OSBPL10: variants seen among roughly 807,000 people sequenced by gnomAD.
OSBPL10 encodes the protein oxysterol-binding protein-related protein 10.
In OSBPL10, 49 loss-of-function variants were observed where a neutral mutation model predicts 81.7. The ratio of observed to expected loss-of-function variants is 0.60; its 90% CI spans 0.48 to 0.76. The LOEUF is 0.76. Ranked by LOEUF, OSBPL10 falls within the 30% of genes least tolerant of loss-of-function variation. The probability of loss-of-function intolerance (pLI) is 0.00; values close to 1 mark genes in which losing one functional copy is unlikely to be tolerated. For missense variants in OSBPL10, 923 were observed against 987.8 expected (o/e 0.93, Z 0.88); for synonymous variants, 419 against 383.6 (o/e 1.09, Z -1.08).
At chr3:31,913,634 T>TA (rs776788659) in intron 1 of OSBPL10, among the ~76,000 whole-genome samples, 7 of 152,230 alleles carry the variant, frequency 4.6e-5, no homozygotes, top group Non-Finnish European at 1.0e-4. Flanking sequence ...CAGGCTACCT[T>TA]AGACTACTGT....
intron 2 of OSBPL10, among the ~76,000 whole-genome samples, chr3:32,037,097 G>A (rs1699527081): frequency 6.6e-6 from 1 of 152,162 alleles, no homozygotes; most frequent in Non-Finnish European, 1.5e-5. Flanking sequence ...GGCATCTTGG[G>A]AGATGAGTAT....
At position 31,713,089 on chromosome 3, in the gene OSBPL10, G is replaced by C. The variant is rs376396065; in HGVS notation, c.1096-10581C>G. On this transcript the variant is annotated intron_variant, in intron 6 of 11. Coordinates refer to ENST00000396556, the MANE Select transcript of OSBPL10 (RefSeq NM_017784.5). Reference sequence around the variant, plus strand: ...TCAGTCTCCTCACAGTAGCTAGAAGGCATCTTAAATCATAAAGTTCATCAC... The same window carrying C: ...TCAGTCTCCTCACAGTAGCTAGAAGCCATCTTAAATCATAAAGTTCATCAC... Among the ~76,000 whole-genome samples the C allele has an allele frequency of 3.3e-5, 5 of 152,196 alleles. No individual in the cohort carries two copies. In the East Asian group the frequency reaches 5.8e-4, roughly 18 times the overall value.
chr3:31,792,823 TGG>T (rs1205913667), intron 4 of OSBPL10, among the ~76,000 whole-genome samples: 2 of 144,320 alleles, frequency 1.4e-5, no homozygotes, highest in Non-Finnish European at 3.0e-5. Flanking sequence ...AGTTGGTGTG[TGG>T]GGGTGCGTTT....
intron 1 of OSBPL10, among the ~76,000 whole-genome samples, chr3:31,885,393 G>A (rs570493429): frequency 1.3e-5 from 2 of 152,146 alleles, no homozygotes; most frequent in African/African-American, 4.8e-5. Context: ...CCTTGAAGGT[G>A]CATTTGCATA....
At chr3:31,768,976 C>T (rs1031635493) in intron 4 of OSBPL10, among the ~76,000 whole-genome samples, 1 of 152,074 alleles carries the variant, frequency 6.6e-6, no homozygotes, top group Non-Finnish European at 1.5e-5. Flanking sequence ...AAAGAATGGA[C>T]ACCTTTGGCA....
At chr3:31,932,338 C>T (rs998596139) in intron 1 of OSBPL10, among the ~76,000 whole-genome samples, 3 of 152,168 alleles carry the variant, frequency 2.0e-5, no homozygotes, top group Non-Finnish European at 4.4e-5. Context: ...TCCAAGACAA[C>T]ACTGCCTCAA....
intron 1 of OSBPL10, among the ~76,000 whole-genome samples, chr3:31,938,883 ACCT>A (rs1697458327): frequency 6.6e-6 from 1 of 151,778 alleles, no homozygotes; most frequent in South Asian, 2.1e-4. Flanking sequence ...CGATAACCTC[ACCT>A]CCTACTTTAC....
At chr3:31,742,818 C>G (rs2125686784) in intron 5 of OSBPL10, among the ~76,000 whole-genome samples, 1 of 152,208 alleles carries the variant, frequency 6.6e-6, no homozygotes, top group Non-Finnish European at 1.5e-5. Flanking sequence ...GCCCAGGCTC[C>G]CAAAGAGCAC....
chr3:31,935,822 A>G (rs1697368936), intron 1 of OSBPL10, among the ~76,000 whole-genome samples: 1 of 152,128 alleles, frequency 6.6e-6, no homozygotes, highest in African/African-American at 2.4e-5. Context: ...GCACCCGGCC[A>G]AAATAATTGG....
chr3:32,019,339 C>T (rs1575086649), intron 2 of OSBPL10, among the ~76,000 whole-genome samples: 2 of 151,978 alleles, frequency 1.3e-5, no homozygotes, highest in Middle Eastern at 3.4e-3. Flanking sequence ...GAGGCTACCC[C>T]ATGAAAAAAA....
intron 10 of OSBPL10, among the ~76,000 whole-genome samples, chr3:31,665,367 C>T (rs964385210): frequency 2.6e-5 from 4 of 152,166 alleles, no homozygotes; most frequent in Admixed American, 1.3e-4. Context: ...GAGGCCCCTT[C>T]ACCCAGGGGC....
chr3:31,896,430 T>C (rs1266779340), intron 1 of OSBPL10, among the ~76,000 whole-genome samples: 1 of 152,244 alleles, frequency 6.6e-6, no homozygotes, highest in Non-Finnish European at 1.5e-5. Context: ...TTTGGATCAC[T>C]GCTTCCAACT....
chr3:32,073,920 T>C (rs540799130), intron 1 of OSBPL10, among the ~76,000 whole-genome samples: 2 of 152,270 alleles, frequency 1.3e-5, no homozygotes, highest in South Asian at 4.1e-4. Context: ...TTCTATCCTT[T>C]ACTTTTATAC....
chr3:31,786,025 T>C (rs1698852033), intron 4 of OSBPL10, among the ~76,000 whole-genome samples: 1 of 152,178 alleles, frequency 6.6e-6, no homozygotes, highest in Non-Finnish European at 1.5e-5. Flanking sequence ...CTCCCATGAT[T>C]CTCACATGTG....
intron 4 of OSBPL10, among the ~76,000 whole-genome samples, chr3:31,789,879 T>C (rs1401733490): frequency 6.6e-6 from 1 of 152,208 alleles, no homozygotes; most frequent in African/African-American, 2.4e-5. Flanking sequence ...GGTGTATACA[T>C]TTGCAACTCT....
chr3:31,698,532 T>G (rs1189017518), intron 7 of OSBPL10, among the ~76,000 whole-genome samples: 4 of 152,044 alleles, frequency 2.6e-5, no homozygotes, highest in Non-Finnish European at 5.9e-5. Flanking sequence ...GGCCACCATA[T>G]CACTCAAAAC....
At chr3:31,966,153 A>ATG (rs59737552) in intron 1 of OSBPL10, among the ~76,000 whole-genome samples, 19,894 of 134,650 alleles carry the variant, frequency 0.15, 1,504 homozygotes, top group Admixed American at 0.17. Context: ...CAACAAAATT[A>ATG]TGTGTGTGTG....
At chr3:31,663,639 G>A (rs1413484937) in intron 11 of OSBPL10, 3 of 1,050,106 alleles carry the variant, frequency 2.9e-6, no homozygotes, top group Non-Finnish European at 3.5e-6. Context: ...GCAAAGCTCT[G>A]AAAGGCAATT....
chr3:31,928,705 G>A (rs1231906495), intron 1 of OSBPL10, among the ~76,000 whole-genome samples: 1 of 149,146 alleles, frequency 6.7e-6, no homozygotes, highest in Non-Finnish European at 1.5e-5. Context: ...ATTTGAACCT[G>A]GGAGACAGAG....
Sources: allele counts gnomAD v4.1 joint callset (sites outside exome capture counted in the v4.1 genomes callset), GRCh38; gene constraint gnomAD v4.1.1; transcripts MANE v1.5; gene names NCBI Gene and HGNC (gene_info 2026-07-23, HGNC 2026-07-21).